The following SPTLC3 variants were observed in gnomAD, a reference collection of about 807,000 sequenced individuals.
SPTLC3 encodes the protein serine palmitoyltransferase 3.
Under a neutral mutation model 59.3 loss-of-function variants are expected in SPTLC3, and 36 were observed. The observed-to-expected ratio is 0.61, with a 90% CI of 0.47 to 0.80. The LOEUF is 0.80. SPTLC3 is among the 30% of genes least tolerant of loss of function. The pLI, the probability that SPTLC3 is intolerant of heterozygous loss-of-function variation, is 0.00. For synonymous variants in SPTLC3, 257 were observed against 240.8 expected, an observed-to-expected ratio of 1.07 and a Z score of -0.62; for missense variants, 625 against 685.1, an observed-to-expected ratio of 0.91 and a Z score of 0.98.
At chr20:13,152,214 G>A (rs1341986976) in intron 9 of SPTLC3, among the ~76,000 whole-genome samples, 1 of 152,078 alleles carries the variant, frequency 6.6e-6, no homozygotes, top group African/African-American at 2.4e-5. Context: ...TATAACATAG[G>A]ATTACAGTTC....
chr20:13,087,658 T>C (rs1397835593), intron 4 of SPTLC3, among the ~76,000 whole-genome samples: 1 of 152,198 alleles, frequency 6.6e-6, no homozygotes, highest in Non-Finnish European at 1.5e-5. Context: ...CAAACATCTA[T>C]GACACCATCA....
chr20:13,129,613 C>T (rs1392627485), intron 9 of SPTLC3, among the ~76,000 whole-genome samples: 1 of 152,222 alleles, frequency 6.6e-6, no homozygotes, highest in Non-Finnish European at 1.5e-5. Flanking sequence ...TCACTCATTT[C>T]CGGAGTCCTT....
At chr20:13,072,512 C>T in intron 3 of SPTLC3, 102 bp downstream of exon 3, 1 of 1,314,750 alleles carries the variant, frequency 7.6e-7, no homozygotes, top group Non-Finnish European at 1.0e-6. Flanking sequence ...GGCATGGAAG[C>T]CATTGGTTTT....
intron 6 of SPTLC3, among the ~76,000 whole-genome samples, chr20:13,101,480 T>C (rs368275117): frequency 2.0e-5 from 3 of 152,294 alleles, no homozygotes; most frequent in East Asian, 1.9e-4. Flanking sequence ...GCCTCTGCAT[T>C]CTTGCTCGCT....
intron 10 of SPTLC3, among the ~76,000 whole-genome samples, chr20:13,156,991 C>G (rs2038784159): frequency 6.6e-6 from 1 of 152,146 alleles, no homozygotes; most frequent in Non-Finnish European, 1.5e-5. Context: ...AATCTTGTTT[C>G]TTTCAACTTA....
At chr20:13,162,197 G>A (rs550404241) in intron 11 of SPTLC3, among the ~76,000 whole-genome samples, 1 of 152,310 alleles carries the variant, frequency 6.6e-6, no homozygotes, top group Admixed American at 6.5e-5. Context: ...TACACATTAA[G>A]GGAAGAAGAC....
Position 13,072,511 on chromosome 20 carries a change from G to A in SPTLC3, c.458+101G>A, listed in dbSNP as rs898135631. On this transcript the variant is annotated intron_variant, in intron 3 of 11. Coordinates refer to ENST00000399002, the MANE Select transcript of SPTLC3 (RefSeq NM_018327.4). The stretch of plus-strand genomic sequence containing the variant: ...AAATCCAAAAAAACAAGGCATGGAA[G>A]CCATTGGTTTTGTATCATTTATGCC... The A allele has an allele frequency of 1.4e-5, 19 of 1,322,554 alleles. No homozygotes were observed. The East Asian group carries it at 2.1e-4, about 15-fold the overall frequency. 81.9% of individuals were successfully genotyped at this position (1,322,554 alleles called of 1,614,324 possible).
Position 13,167,933 on chromosome 20 carries a change from A to C in SPTLC3, c.*3066A>C, listed in dbSNP as rs1347344489. ...CTCTAATAGCAGGAACCTTGTTCTG[A>C]TTCTCTTGTTCATAATTAAGTGTAT... is the stretch of plus-strand genomic sequence containing the variant. On this transcript the variant is annotated 3_prime_UTR_variant, in exon 12 of 12. Transcript: ENST00000399002. 2 of 152,190 alleles carry C rather than the reference A, an allele frequency of 1.3e-5. No homozygotes were observed. Among genetic ancestry groups the C allele is most frequent in the Non-Finnish European group, 2.9e-5 (2 of 68,036 alleles). The allele number at this position is 152,190 out of a possible 1,614,324, so 9.4% of individuals were successfully genotyped here.
chr20:13,072,198 G>A, intron 2 of SPTLC3, 58 bp from the exon 3 acceptor site: 2 of 1,532,526 alleles, frequency 1.3e-6, no homozygotes, highest in African/African-American at 2.8e-5. Flanking sequence ...TGCTTCAATT[G>A]TAAGTGAAAT....
At chr20:13,042,000 G>C (rs917952070) in intron 1 of SPTLC3, among the ~76,000 whole-genome samples, 1 of 152,084 alleles carries the variant, frequency 6.6e-6, no homozygotes, top group South Asian at 2.1e-4. Context: ...ACTTGCTGCC[G>C]GATTGCTCTA....
intron 9 of SPTLC3, among the ~76,000 whole-genome samples, chr20:13,132,108 G>A (rs1403957373): frequency 6.6e-6 from 1 of 151,686 alleles, no homozygotes; most frequent in Non-Finnish European, 1.5e-5. Flanking sequence ...GCCTTATTAG[G>A]GAATTGGCCC....
At chr20:13,045,335 A>G (rs1987185363) in intron 1 of SPTLC3, among the ~76,000 whole-genome samples, 1 of 152,234 alleles carries the variant, frequency 6.6e-6, no homozygotes, top group Admixed American at 6.5e-5. Flanking sequence ...GCCAAAGTGT[A>G]TTACAAATAA....
intron 9 of SPTLC3, among the ~76,000 whole-genome samples, chr20:13,149,708 A>G (rs1186031208): frequency 1.3e-5 from 2 of 152,194 alleles, no homozygotes; most frequent in South Asian, 2.1e-4. Context: ...GGAGTCAGAT[A>G]CCCCTGGATA....
chr20:13,143,163 C>T (rs747741905), intron 9 of SPTLC3, among the ~76,000 whole-genome samples: 2 of 152,120 alleles, frequency 1.3e-5, no homozygotes, highest in Non-Finnish European at 2.9e-5. Flanking sequence ...ATGTCTTGGG[C>T]ACCAAAAAGA....
Position 13,168,999 on chromosome 20 carries a change from C to A in SPTLC3, c.*4132C>A, listed in dbSNP as rs1310784594. The A allele has an allele frequency of 6.9e-6, 1 of 144,450 alleles. No individual in the cohort carries two copies. Among genetic ancestry groups the A allele is most frequent in the South Asian group, 2.2e-4 (1 of 4,628 alleles). The allele number at this position is 144,450 out of a possible 1,614,324, so 8.9% of individuals were successfully genotyped here. A position where few individuals can be genotyped will look rare whatever the true frequency, so the allele number is the denominator to read the frequency against. On this transcript the variant is annotated 3_prime_UTR_variant, in exon 12 of 12. Transcript: ENST00000399002. Reference sequence around the variant, plus strand: ...TGTGTCTTTGTGTGTGTGAGAAGGACAGAGAGAAATGTATGTTTCACTGAA... The same window carrying A: ...TGTGTCTTTGTGTGTGTGAGAAGGAAAGAGAGAAATGTATGTTTCACTGAA...
intron 2 of SPTLC3, among the ~76,000 whole-genome samples, chr20:13,070,089 A>T (rs1465260626): frequency 6.8e-6 from 1 of 148,002 alleles, no homozygotes; most frequent in African/African-American, 2.6e-5. Context: ...TTCTAGAATT[A>T]TATAATCTTG....
chr20:13,067,260 C>T (rs1365726924), intron 2 of SPTLC3, among the ~76,000 whole-genome samples: 2 of 151,906 alleles, frequency 1.3e-5, no homozygotes. Context: ...AAGCTTTGTC[C>T]TGTGGCCAAT....
chr20:13,139,513 G>A (rs2038330965), intron 9 of SPTLC3, among the ~76,000 whole-genome samples: 1 of 152,146 alleles, frequency 6.6e-6, no homozygotes, highest in African/African-American at 2.4e-5. Context: ...GGTTTCCAAA[G>A]TTGCTGACAA....
chr20:13,099,833 G>A (rs543995394), intron 6 of SPTLC3, among the ~76,000 whole-genome samples: 1 of 152,238 alleles, frequency 6.6e-6, no homozygotes, highest in African/African-American at 2.4e-5. Flanking sequence ...GATAATACAG[G>A]GATTGTTTAG....
Sources: gnomAD v4.1 joint callset for allele counts (sites outside exome capture counted in the v4.1 genomes callset) on GRCh38, gnomAD v4.1.1 for gene constraint, MANE v1.5 for transcripts, NCBI Gene and HGNC (gene_info 2026-07-23, HGNC 2026-07-21) for gene names.